NCAPD3: variants seen among roughly 807,000 people sequenced by gnomAD.
The protein encoded by NCAPD3 is non-SMC condensin II complex subunit D3.
NCAPD3 carries 105 observed loss-of-function variants against 182.9 expected under a neutral mutation model. The ratio of observed to expected loss-of-function variants is 0.57; its 90% confidence interval spans 0.49 to 0.68. The LOEUF (loss-of-function observed/expected upper bound fraction) is 0.68. Ranked by LOEUF, NCAPD3 falls within the 30% of genes least tolerant of loss-of-function variation. The pLI is 0.00. For synonymous variants in NCAPD3, 815 were observed against 679.9 expected (o/e 1.20, Z -3.09); for missense variants, 1,944 against 1,837.0 (o/e 1.06, Z -1.07).
intron 3 of NCAPD3, among the ~76,000 whole-genome samples, chr11:134,213,490 G>C (rs1391435894): frequency 6.6e-6 from 1 of 151,818 alleles, no homozygotes; most frequent in African/African-American, 2.4e-5. Context: ...GCTAATTTTT[G>C]TATTTTTAGT....
chr11:134,220,048 C>T (rs1037886651), intron 2 of NCAPD3, among the ~76,000 whole-genome samples: 11 of 152,170 alleles, frequency 7.2e-5, no homozygotes, highest in Non-Finnish European at 1.5e-4. Context: ...CCCACCTCGG[C>T]CTCCCAAAGT....
intron 13 of NCAPD3, 135 bp downstream of exon 13, chr11:134,202,681 G>A (rs962756499): frequency 8.2e-6 from 5 of 608,022 alleles, no homozygotes; most frequent in South Asian, 5.7e-5. Context: ...GAGTCACCAC[G>A]CCCAGCCAGC....
intron 27 of NCAPD3, among the ~76,000 whole-genome samples, chr11:134,163,527 A>G (rs940018447): frequency 6.6e-6 from 1 of 151,836 alleles, no homozygotes; most frequent in Admixed American, 6.6e-5. Context: ...GTGAAACCCC[A>G]TCTCTACTAA....
intron 32 of NCAPD3, among the ~76,000 whole-genome samples, chr11:134,154,800 G>A (rs976319322): frequency 1.3e-5 from 2 of 152,224 alleles, no homozygotes; most frequent in African/African-American, 4.8e-5. Context: ...TATGGACTGT[G>A]TCTTCCCATT....
rs1210345906 is a variant in NCAPD3 at position 134,168,962 on chromosome 11, T to C, written c.3194A>G (p.Asn1065Ser). 1 of 1,613,928 alleles carries C rather than the reference T, an allele frequency of 6.2e-7. No individual in the cohort carries two copies. The highest frequency in any genetic ancestry group is 1.7e-5 in the Admixed American group (1 of 59,992). Residue 1065 changes from asparagine (N) to serine (S), a missense_variant, in exon 25 of 35, where the codon AAC becomes AGC. Coordinates refer to ENST00000534548, the MANE Select transcript of NCAPD3 (RefSeq NM_015261.3). ...HFIECIFHFN[N>S]YEKHEKYNKF... ...GTTGTACTTCTCATGCTTCTCATAG[T>C]TATTAAAGTGAAAAATACATTCAAT...
At chr11:134,223,992 G>A (rs1026178574), upstream of NCAPD3, 21 of 1,575,746 alleles carry the variant, frequency 1.3e-5, no homozygotes, top group South Asian at 1.2e-4. Context: ...CGCGCGCGCC[G>A]AGTCGTTCCT....
intron 27 of NCAPD3, among the ~76,000 whole-genome samples, chr11:134,165,266 G>C (rs565060296): frequency 6.7e-6 from 1 of 148,334 alleles, no homozygotes; most frequent in East Asian, 2.1e-4. Flanking sequence ...AGCTGAGGGG[G>C]AGCTGCACAC....
intron 24 of NCAPD3, among the ~76,000 whole-genome samples, chr11:134,171,989 C>T (rs10736610): frequency 0.45 from 68,016 of 151,580 alleles, 17,888 homozygotes; most frequent in African/African-American, 0.75. Context: ...GGATGCGGAA[C>T]AACAAAACCA....
intron 1 of NCAPD3, among the ~76,000 whole-genome samples, chr11:134,221,460 G>A (rs992923035): frequency 1.3e-5 from 2 of 151,508 alleles, no homozygotes; most frequent in African/African-American, 2.4e-5. Context: ...GTACCATGGT[G>A]GTTTGCTGTA....
chr11:134,177,124 C>T, intron 23 of NCAPD3, 95 bp downstream of exon 23: 2 of 994,684 alleles, frequency 2.0e-6, no homozygotes, highest in African/African-American at 3.2e-5. Context: ...TTGGATTCTA[C>T]TACAAAGCAA....
upstream of NCAPD3, chr11:134,225,131 C>A (rs758627881): frequency 3.7e-5 from 60 of 1,606,122 alleles, no homozygotes; most frequent in Non-Finnish European, 5.0e-5. Flanking sequence ...CGATGAGCTT[C>A]TTCGGCTTCG....
chr11:134,153,964 C>A (rs2014708), intron 32 of NCAPD3: 12,283 of 156,520 alleles, frequency 0.078, 619 homozygotes, highest in Admixed American at 0.11. Flanking sequence ...CCGCAATGAA[C>A]CCCCTCCAGT....
chr11:134,202,953 T>C (rs753462340), intron 12 of NCAPD3, 48 bp from the exon 13 acceptor site: 7 of 1,425,814 alleles, frequency 4.9e-6, no homozygotes, highest in South Asian at 1.2e-5. Context: ...TGTTATACTT[T>C]TAATAACATT....
In NCAPD3 at chr11:134,168,562, CTTTG is replaced by C. The variant is rs1392004390; in HGVS notation, c.3276_3279del (p.Asn1092LysfsTer5). The C allele has an allele frequency of 1.9e-6, 3 of 1,613,984 alleles. No homozygotes were observed. The highest frequency in any genetic ancestry group is 2.2e-5 in the East Asian group (1 of 44,900). ...AATTTGTAGATTTTCATTCGTCTCTCTTTGTTTGACTTTCCCTTCAATGAAAACA... is the reference window on the plus strand; with the variant it reads ...AATTTGTAGATTTTCATTCGTCTCTCTTTGACTTTCCCTTCAATGAAAACA... On this transcript the variant is annotated frameshift_variant, in exon 26 of 35. Transcript: ENST00000534548. LOFTEE classifies it high-confidence loss of function.
chr11:134,203,058 AAGGAG>A, intron 12 of NCAPD3, 79 bp downstream of exon 12: 1 of 1,222,580 alleles, frequency 8.2e-7, no homozygotes, highest in Non-Finnish European at 1.2e-6. Flanking sequence ...GCAGGTAAAT[AAGGAG>A]GTAAGAAAAA....
chr11:134,160,144 C>G, intron 28 of NCAPD3, 70 bp from the exon 29 acceptor site: 3 of 1,513,744 alleles, frequency 2.0e-6, no homozygotes, highest in Non-Finnish European at 2.7e-6. Flanking sequence ...ACCCCCACGA[C>G]ACACCTTCGC....
chr11:134,188,230 C>T lies in NCAPD3; in HGVS notation c.2046-2704G>A, dbSNP rs571631787. Among the ~76,000 whole-genome samples the T allele has an allele frequency of 1.6e-4, 24 of 151,160 alleles. 1 individual carries two copies. In the South Asian group the frequency reaches 4.6e-3, roughly 29 times the overall value. The stretch of plus-strand genomic sequence containing the variant: ...CACTCTGTAAAAACACACCAATCAG[C>T]ACTCCGTGTCTAGCTAAAGGATTGT... On this transcript the variant is annotated intron_variant, in intron 16 of 34. Transcript: ENST00000534548.
chr11:134,154,789 G>C (rs966024019), intron 32 of NCAPD3, among the ~76,000 whole-genome samples: 5 of 152,246 alleles, frequency 3.3e-5, no homozygotes, highest in Admixed American at 6.5e-5. Flanking sequence ...GGTGTCTTGA[G>C]TATGGACTGT....
rs769761410 is a variant in NCAPD3, at chr11:134,203,209, GAAGA to G, written c.1469-15_1469-12del. On this transcript the variant is annotated splice_polypyrimidine_tract_variant and intron_variant, in intron 11 of 34. Transcript: ENST00000534548. ...CAGAAAACGTAGGACCTAAAAACAAGAAGAAAGATAAGAAGGAAGAAGTCAGTAT... is the reference window on the plus strand; with the variant it reads ...CAGAAAACGTAGGACCTAAAAACAAGAAGATAAGAAGGAAGAAGTCAGTAT... 15 of 1,578,192 alleles carry G rather than the reference GAAGA, an allele frequency of 9.5e-6. No homozygotes were observed. Among genetic ancestry groups the G allele is most frequent in the Non-Finnish European group, 1.1e-5 (13 of 1,148,352 alleles).
Sources: allele counts gnomAD v4.1 joint callset (sites outside exome capture counted in the v4.1 genomes callset), GRCh38; gene constraint gnomAD v4.1.1; transcripts MANE v1.5; gene names NCBI Gene and HGNC (gene_info 2026-07-23, HGNC 2026-07-21).